Variants in CARD14 observed in about 807,000 individuals in gnomAD.
CARD14 encodes caspase recruitment domain-containing protein 14.
A neutral mutation model predicts 111.5 loss-of-function variants in CARD14; 107 were observed. That is an observed-to-expected ratio of 0.96 (90% CI 0.82 to 1.13). CARD14 has a LOEUF of 1.13. Among genes scored for constraint, CARD14 ranks in the 50% most tolerant of loss-of-function variants. The pLI is 0.00. For synonymous variants in CARD14, 617 were observed against 579.6 expected (o/e 1.06, Z -0.93); for missense variants, 1,322 against 1,362.3 (o/e 0.97, Z 0.47).
At position 80,181,553 on chromosome 17, in the gene CARD14, C is replaced by CAGGCTGCA. The variant is rs1397783937; in HGVS notation, c.115_116insAGGCTGCA (p.Leu39GlnfsTer42). On this transcript the variant is annotated frameshift_variant, in exon 5 of 24. Transcript: ENST00000648509. LOFTEE classifies it high-confidence loss of function. ...CGTACGCTGCATCTGCCCCAGCCGC[C>CAGGCTGCA]TCACCCCCTACCTGCGCCAGGCCAA... 4 of 1,572,192 alleles carry CAGGCTGCA rather than the reference C, an allele frequency of 2.5e-6. No individual in the cohort carries two copies.
rs916221108 is a variant in CARD14 at position 80,189,251 on chromosome 17, T to A, written c.844-502T>A. Among the ~76,000 whole-genome samples the A allele has an allele frequency of 3.9e-5, 6 of 152,188 alleles. No individual in the cohort carries two copies. The highest frequency in any genetic ancestry group is 1.2e-4 in the African/African-American group (5 of 41,444). On this transcript the variant is annotated intron_variant, in intron 8 of 23. Coordinates refer to ENST00000648509, the MANE Select transcript of CARD14 (RefSeq NM_001366385.1). The surrounding 1 kb of genome is among the most constrained non-coding windows in gnomAD (Gnocchi z 4.7). ...CACTGGAGAGAGGGGGGCTCTGAAG[T>A]GGAGCAGTGAGTGAGCAACGACCCT...
rs2040202438 is a variant in CARD14 at position 80,182,405 on chromosome 17, A to T, written c.212-248A>T. On this transcript the variant is annotated intron_variant, in intron 5 of 23. Transcript: ENST00000648509. The surrounding 1 kb of genome is among the most constrained non-coding windows in gnomAD (Gnocchi z 4.7). ...CTCGCCAGAGCACTGGGGTTGCAGT[A>T]GTTGCTCGATACATGCCAGCTTTGC... Among the ~76,000 whole-genome samples, 1 of 152,218 alleles carries T rather than the reference A, an allele frequency of 6.6e-6. No homozygotes were observed.
intron 17 of CARD14, 78 bp from the exon 18 acceptor site, chr17:80,202,102 C>T (rs931482997): frequency 7.3e-7 from 1 of 1,366,850 alleles, no homozygotes; most frequent in African/African-American, 1.4e-5. Context: ...TCCTTCTCTC[C>T]TACTTTAATT....
rs745492804 is a variant in CARD14, at chr17:80,192,567, A to G, written c.1304A>G (p.His435Arg). The change falls in exon 12 of 24, where the codon CAT becomes CGT. Residue 435 changes from histidine (H) to arginine (R), a missense_variant. Coordinates refer to ENST00000648509, the MANE Select transcript of CARD14 (RefSeq NM_001366385.1). Reference sequence around the variant, plus strand: ...GAGAAGCAGCGGCTGGTGCGGATGCATGCCATCTGCCCCAGAGACGACAGC... The same window carrying G: ...GAGAAGCAGCGGCTGGTGCGGATGCGTGCCATCTGCCCCAGAGACGACAGC... ...PREKQRLVRM[H>R]AICPRDDSDC... The G allele has an allele frequency of 8.1e-6, 13 of 1,613,320 alleles. No individual in the cohort carries two copies. In the South Asian group the frequency reaches 9.9e-5, roughly 12 times the overall value.
At chr17:80,196,336 T>C (rs193059925) in intron 14 of CARD14, 1 of 152,332 alleles carries the variant, frequency 6.6e-6, no homozygotes, top group East Asian at 1.9e-4. Context: ...ATCTTCATCT[T>C]TGGGGACTCA....
In CARD14 at chr17:80,201,707, C is replaced by CG. The variant is rs1424739013; in HGVS notation, c.1852-32dup. The CG allele has an allele frequency of 1.1e-5, 17 of 1,611,894 alleles. No homozygotes were observed. The Admixed American group carries it at 2.0e-4, about 19-fold the overall frequency. ...TGTCTTCTGGCTGGATTCAGAGTCC[C>CG]GGGGGAAAGAGACTGACCTTCTCGA... On this transcript the variant is annotated intron_variant, in intron 16 of 23. Transcript: ENST00000648509. This position sits in a 1 kb window ranked among gnomAD's most constrained non-coding sequence, Gnocchi z 5.0.
At position 80,198,413 on chromosome 17, in the gene CARD14, G is replaced by A. The variant is rs745339472; in HGVS notation, c.1673G>A (p.Arg558Gln). ...CCGGCCTGCAGCGGCGTCCTCATGC[G>A]GCGGAGGCCAGCCCGCAGGATCCTG... ...LDVSESGVLM[R>Q]RRPARRILSQ... Residue 558 changes from arginine (R) to glutamine (Q), a missense_variant, in exon 16 of 24, where the codon CGG becomes CAG. By Grantham distance (43) the Arg-to-Gln change is conservative. Transcript: ENST00000648509. This position sits in a 1 kb window ranked among gnomAD's most constrained non-coding sequence, Gnocchi z 7.5. 1.2e-5 allele frequency: 20 copies of A among 1,603,026 alleles called. No individual in the cohort carries two copies. In the East Asian group the frequency reaches 1.8e-4, roughly 14 times the overall value.
intron 14 of CARD14, chr17:80,197,013 A>G (rs2040738240): frequency 6.6e-6 from 1 of 152,360 alleles, no homozygotes; most frequent in Admixed American, 6.5e-5. Context: ...CTTGGCCAAC[A>G]TGGTGAAACC....
Position 80,186,623 on chromosome 17 carries a change from A to G in CARD14, c.676-1754A>G, listed in dbSNP as rs141383726. The stretch of plus-strand genomic sequence containing the variant: ...GAGTGCAGTGGCGCCATCTCAGCCC[A>G]CTGCAATCTCCATCTCCCGGGTTCA... On this transcript the variant is annotated intron_variant, in intron 7 of 23. Transcript: ENST00000648509. Among the ~76,000 whole-genome samples, 295 of 152,104 alleles carry G rather than the reference A, an allele frequency of 1.9e-3. 1 individual carries two copies. The highest frequency in any genetic ancestry group is 6.9e-3 in the African/African-American group (288 of 41,478).
Position 80,205,556 on chromosome 17 carries a change from G to A in CARD14, c.2595G>A (p.Glu865=), listed in dbSNP as rs776439889. Residue 865 remains glutamate, a synonymous_variant, in exon 22 of 24, where the codon GAG becomes GAA. Coordinates refer to ENST00000648509, the MANE Select transcript of CARD14 (RefSeq NM_001366385.1). ...AGTACTTGAGCCAGGAGGAGTATGA[G>A]GCCTGGAGCCAGAGAGGGGACATCA... ...LAEYLSQEEY[E]AWSQRGDIIQ... 6 of 1,584,654 alleles carry A rather than the reference G, an allele frequency of 3.8e-6. No individual in the cohort carries two copies. The Admixed American group carries it at 1.1e-4, about 29-fold the overall frequency.
intron 22 of CARD14, 66 bp downstream of exon 22, chr17:80,205,718 G>A (rs1164511288): frequency 1.4e-6 from 2 of 1,463,684 alleles, no homozygotes; most frequent in East Asian, 2.5e-5. Context: ...GCAGAGGAGG[G>A]GGATGAGATA....
intron 4 of CARD14, among the ~76,000 whole-genome samples, chr17:80,180,256 G>T (rs892996735): frequency 5.3e-5 from 8 of 152,124 alleles, no homozygotes; most frequent in Non-Finnish European, 1.0e-4. Flanking sequence ...CTGTAACGGC[G>T]ACCTGCTTCG....
intron 2 of CARD14, among the ~76,000 whole-genome samples, chr17:80,176,077 G>A (rs2144099903): frequency 7.0e-6 from 1 of 142,170 alleles, no homozygotes; most frequent in Non-Finnish European, 1.5e-5. Context: ...CCAAATTACA[G>A]GCATGAGCCA....
chr17:80,179,486 C>T (rs985383295), intron 4 of CARD14, among the ~76,000 whole-genome samples, 185 bp downstream of exon 4: 4 of 152,144 alleles, frequency 2.6e-5, no homozygotes, highest in African/African-American at 7.2e-5. Context: ...GCTGTCTGCA[C>T]GAAGTATCAT....
intron 19 of CARD14, 55 bp from the exon 20 acceptor site, chr17:80,204,172 T>C: frequency 6.6e-7 from 1 of 1,506,482 alleles, no homozygotes; most frequent in Non-Finnish European, 9.0e-7. Flanking sequence ...TGAATTCCCA[T>C]TCCTGTTGAT....
chr17:80,197,654 TA>T (rs1480258205), intron 14 of CARD14: 31 of 200,078 alleles, frequency 1.5e-4, no homozygotes, highest in Non-Finnish European at 2.8e-4. Flanking sequence ...CATGCAGAAA[TA>T]CAGGTCAGTG....
chr17:80,188,479 G>A lies in CARD14; in HGVS notation c.778G>A (p.Gly260Arg), dbSNP rs772988369. 39 of 1,590,494 alleles carry A rather than the reference G, an allele frequency of 2.5e-5. No homozygotes were observed. The highest frequency in any genetic ancestry group is 1.8e-4 in the South Asian group (16 of 87,514). Residue 260 changes from glycine (G) to arginine (R), a missense_variant, in exon 8 of 24, where the codon GGG becomes AGG. Coordinates refer to ENST00000648509, the MANE Select transcript of CARD14 (RefSeq NM_001366385.1). This position sits in a 1 kb window ranked among gnomAD's most constrained non-coding sequence, Gnocchi z 4.5. Reference protein sequence around the residue: ...SLRTASDQESGDEELNRLKEE... With the variant: ...SLRTASDQESRDEELNRLKEE... ...GAGGACAGCCAGCGACCAGGAGTCC[G>A]GGGATGAGGAGCTGAACCGCCTGAA...
Position 80,202,533 on chromosome 17 carries a change from AC to A in CARD14, c.2219+119del, listed in dbSNP as rs201325195. The stretch of plus-strand genomic sequence containing the variant: ...AGCAATAGAGGGTGGGCGTGGTGAG[AC>A]CCCCCTAAGGAGGGAAGCCTGCCAA... On this transcript the variant is annotated intron_variant, in intron 18 of 23. Transcript: ENST00000648509. 5.4e-6 allele frequency: 8 copies of A among 1,495,164 alleles called. No homozygotes were observed. The East Asian group carries it at 9.7e-5, about 18-fold the overall frequency. The allele number at this position is 1,495,164 out of a possible 1,614,324, so 92.6% of individuals were successfully genotyped here.
Position 80,195,524 on chromosome 17 carries a change from G to A in CARD14, c.1500-34G>A. 1 of 1,585,044 alleles carries A rather than the reference G, an allele frequency of 6.3e-7. No individual in the cohort carries two copies. Among genetic ancestry groups the A allele is most frequent in the Non-Finnish European group, 8.6e-7 (1 of 1,163,466 alleles). On this transcript the variant is annotated intron_variant, in intron 13 of 23. Transcript: ENST00000648509. This position sits in a 1 kb window ranked among gnomAD's most constrained non-coding sequence, Gnocchi z 4.7. Reference sequence around the variant, plus strand: ...TGGGGACTCAGAGGGAGCAGGTGATGCAGTTTGAGCCTGCTGCTGCTTATG... The same window carrying A: ...TGGGGACTCAGAGGGAGCAGGTGATACAGTTTGAGCCTGCTGCTGCTTATG...
Sources: allele counts gnomAD v4.1 joint callset (sites outside exome capture counted in the v4.1 genomes callset), GRCh38; gene constraint gnomAD v4.1.1; non-coding constraint Gnocchi (gnomAD v3.1); transcripts MANE v1.5; gene names NCBI Gene and HGNC (gene_info 2026-07-23, HGNC 2026-07-21).